PCDHA4: variants seen among roughly 807,000 people sequenced by gnomAD.
The protein encoded by PCDHA4 is protocadherin alpha-4.
PCDHA4 carries 49 observed loss-of-function variants against 61.4 expected under a neutral mutation model. The observed-to-expected ratio is 0.80, with a 90% CI of 0.63 to 1.01. PCDHA4 has a LOEUF of 1.01. PCDHA4 is among the 50% of genes least tolerant of loss of function. The pLI, the probability that PCDHA4 is intolerant of heterozygous loss-of-function variation, is 0.00. For synonymous variants in PCDHA4, 590 were observed against 550.3 expected (o/e 1.07, Z -1.01); for missense variants, 1,254 against 1,235.8 (o/e 1.01, Z -0.22).
chr5:140,812,845 A>G (rs1382314679), intron 1 of PCDHA4: 2 of 152,134 alleles, frequency 1.3e-5, no homozygotes, highest in South Asian at 2.1e-4. Flanking sequence ...ATCTTAACAT[A>G]TTTTCTAATT....
intron 1 of PCDHA4, among the ~76,000 whole-genome samples, chr5:140,897,136 A>G (rs1206983852): frequency 6.6e-6 from 1 of 152,096 alleles, no homozygotes; most frequent in Admixed American, 6.5e-5. Context: ...TAAACTTTCT[A>G]GCCTTTGTTA....
intron 1 of PCDHA4, among the ~76,000 whole-genome samples, chr5:140,900,279 C>A (rs2067883641): frequency 6.6e-6 from 1 of 151,672 alleles, no homozygotes. Flanking sequence ...ATGTACCACA[C>A]TTTCTTTTCT....
At chr5:140,918,573 C>CT (rs1392285106) in intron 1 of PCDHA4, among the ~76,000 whole-genome samples, 1 of 152,154 alleles carries the variant, frequency 6.6e-6, no homozygotes, top group Non-Finnish European at 1.5e-5. Context: ...TATTATGCTG[C>CT]TATTGGCTAT....
intron 3 of PCDHA4, among the ~76,000 whole-genome samples, chr5:141,003,969 G>A (rs781827494): frequency 2.0e-5 from 3 of 152,158 alleles, no homozygotes; most frequent in Non-Finnish European, 4.4e-5. Flanking sequence ...GAGCATAAGG[G>A]AGGGGACTTG....
chr5:140,904,082 C>T (rs1189911248), intron 1 of PCDHA4, among the ~76,000 whole-genome samples: 3 of 152,108 alleles, frequency 2.0e-5, no homozygotes, highest in African/African-American at 7.2e-5. Context: ...TATTTGGTTA[C>T]ATGAATAACT....
chr5:140,988,387 T>G (rs1337322360), intron 3 of PCDHA4, among the ~76,000 whole-genome samples: 1 of 152,202 alleles, frequency 6.6e-6, no homozygotes, highest in Non-Finnish European at 1.5e-5. Flanking sequence ...CTCATTGTGT[T>G]TGCCAGAGTT....
chr5:140,942,206 T>G (rs916002360), intron 1 of PCDHA4, among the ~76,000 whole-genome samples: 1 of 152,152 alleles, frequency 6.6e-6, no homozygotes, highest in African/African-American at 2.4e-5. Context: ...TTTTTGAGCA[T>G]AAGATATTTA....
At chr5:140,967,155 C>A (rs1554229255) in intron 1 of PCDHA4, 1 of 1,610,598 alleles carries the variant, frequency 6.2e-7, no homozygotes, top group Admixed American at 1.7e-5. Context: ...AACCCCGTGG[C>A]GGTGAGCGCC....
chr5:141,010,158 G>A lies in PCDHA4; in HGVS notation c.*221G>A. 6.4e-7 allele frequency: 1 copy of A among 1,570,690 alleles called. No homozygotes were observed. Among genetic ancestry groups the A allele is most frequent in the Non-Finnish European group, 8.6e-7 (1 of 1,156,884 alleles). On this transcript the variant is annotated 3_prime_UTR_variant, in exon 4 of 4. Coordinates refer to ENST00000530339, the MANE Select transcript of PCDHA4 (RefSeq NM_018907.4). Reference sequence around the variant, plus strand: ...TAACTCTTTCTCTCCACTCTGGCTTGTTTTCAGAACCTAAAAAGCAGACCC... The same window carrying A: ...TAACTCTTTCTCTCCACTCTGGCTTATTTTCAGAACCTAAAAAGCAGACCC...
At chr5:140,936,662 CT>C (rs1337986057) in intron 1 of PCDHA4, among the ~76,000 whole-genome samples, 1 of 152,178 alleles carries the variant, frequency 6.6e-6, no homozygotes, top group Non-Finnish European at 1.5e-5. Context: ...TATTCTGTTT[CT>C]GGACTGTCTA....
intron 1 of PCDHA4, chr5:140,927,906 CG>C: frequency 6.2e-7 from 1 of 1,614,180 alleles, no homozygotes. Context: ...ATCATGCCCC[CG>C]AACTGGACTT....
At chr5:140,815,273 C>T (rs2126662792) in intron 1 of PCDHA4, 88,389 of 151,918 alleles carry the variant, frequency 0.58, 26,490 homozygotes, top group African/African-American at 0.73. Flanking sequence ...CCTCTTTCCT[C>T]CTCTTACTGT....
chr5:140,927,967 AT>A, intron 1 of PCDHA4: 1 of 1,614,172 alleles, frequency 6.2e-7, no homozygotes, highest in Non-Finnish European at 8.5e-7. Context: ...TGGCACAGTG[AT>A]TGCTCTCTTT....
At chr5:140,823,138 G>A in intron 1 of PCDHA4, 1 of 1,613,824 alleles carries the variant, frequency 6.2e-7, no homozygotes, top group Non-Finnish European at 8.5e-7. Context: ...TCCGGCGTTC[G>A]CGCAGCCCCA....
chr5:140,864,177 A>G (rs2048351584), intron 1 of PCDHA4: 1 of 152,222 alleles, frequency 6.6e-6, no homozygotes, highest in Non-Finnish European at 1.5e-5. Context: ...AAGGATCATG[A>G]TGAATAATGA....
At chr5:140,977,342 T>A (rs1554238451) in intron 1 of PCDHA4, among the ~76,000 whole-genome samples, 1 of 152,222 alleles carries the variant, frequency 6.6e-6, no homozygotes, top group South Asian at 2.1e-4. Context: ...GAGACGGTGA[T>A]GATGACTGAT....
intron 1 of PCDHA4, chr5:140,866,360 T>C (rs2049301570): frequency 6.6e-6 from 1 of 152,128 alleles, no homozygotes; most frequent in South Asian, 2.1e-4. Context: ...GTTTACAATA[T>C]TGCATACTTC....
rs2150432258 is a variant in PCDHA4 at position 140,849,188 on chromosome 5, G to T, written c.2385+39616G>T. Reference sequence around the variant, plus strand: ...CTGGCACCGTTCAATTACTCATCACGGTACTGGACAACAATGACAATGCCC... The same window carrying T: ...CTGGCACCGTTCAATTACTCATCACTGTACTGGACAACAATGACAATGCCC... On this transcript the variant is annotated intron_variant, in intron 1 of 3. Transcript: ENST00000530339. The T allele has an allele frequency of 1.1e-3, 1,187 of 1,054,992 alleles. 42 individuals carry two copies. In the African/African-American group the frequency reaches 0.02, roughly 18 times the overall value. The allele number at this position is 1,054,992 out of a possible 1,614,324, so 65.4% of individuals were successfully genotyped here. A position where few individuals can be genotyped will look rare whatever the true frequency, so the allele number is the denominator to read the frequency against.
Position 140,829,887 on chromosome 5 carries a change from C to T in PCDHA4, c.2385+20315C>T, listed in dbSNP as rs200115025. On this transcript the variant is annotated intron_variant, in intron 1 of 3. Transcript: ENST00000530339. ...GTGGCGAAGGTGCGCGCAGTTGACGCCGACTCAGGCTACAACGCGTGGCTT... is the reference window on the plus strand; with the variant it reads ...GTGGCGAAGGTGCGCGCAGTTGACGTCGACTCAGGCTACAACGCGTGGCTT... 91 of 1,613,822 alleles carry T rather than the reference C, an allele frequency of 5.6e-5. No homozygotes were observed. The highest frequency in any genetic ancestry group is 7.5e-5 in the Non-Finnish European group (89 of 1,179,888).
Sources: gnomAD v4.1 joint callset for allele counts (sites outside exome capture counted in the v4.1 genomes callset) on GRCh38, gnomAD v4.1.1 for gene constraint, MANE v1.5 for transcripts, NCBI Gene and HGNC (gene_info 2026-07-23, HGNC 2026-07-21) for gene names.